SLIT2: variants seen among roughly 807,000 people sequenced by gnomAD.
SLIT2 encodes slit guidance ligand 2, also known as slit homolog 2 protein.
In SLIT2, 41 loss-of-function variants were observed where a neutral mutation model predicts 185.7. The ratio of observed to expected loss-of-function variants is 0.22; its 90% CI spans 0.17 to 0.29. SLIT2 has a LOEUF of 0.29. Among genes scored for constraint, SLIT2 ranks in the 10% least tolerant of loss-of-function variants. The pLI is 1.00. For synonymous variants in SLIT2, 693 were observed against 680.2 expected, an observed-to-expected ratio of 1.02 and a Z score of -0.29; for missense variants, 1,571 against 1,909.0, an observed-to-expected ratio of 0.82 and a Z score of 3.30.
intron 4 of SLIT2, among the ~76,000 whole-genome samples, chr4:20,335,697 T>C (rs1222176402): frequency 6.6e-6 from 1 of 152,092 alleles, no homozygotes; most frequent in Non-Finnish European, 1.5e-5. Context: ...AGAGGGGTGA[T>C]AAAACTGCTC....
chr4:20,283,990 C>CAT (rs1383830088), intron 4 of SLIT2, among the ~76,000 whole-genome samples: 1 of 152,062 alleles, frequency 6.6e-6, no homozygotes, highest in Non-Finnish European at 1.5e-5. Context: ...CTTTCAATTC[C>CAT]AATTAATGTG....
chr4:20,619,281 T>C lies in SLIT2; in HGVS notation c.*272T>C, dbSNP rs1481310263. Reference sequence around the variant, plus strand: ...TGGGAACCATTGCAACTCGGGTCCATCTTTGTAACATGCTGAAGACAAGCA... The same window carrying C: ...TGGGAACCATTGCAACTCGGGTCCACCTTTGTAACATGCTGAAGACAAGCA... On this transcript the variant is annotated 3_prime_UTR_variant, in exon 37 of 37. Coordinates refer to ENST00000504154, the MANE Select transcript of SLIT2 (RefSeq NM_004787.4). 1 of 292,410 alleles carries C rather than the reference T, an allele frequency of 3.4e-6. No individual in the cohort carries two copies. Among genetic ancestry groups the C allele is most frequent in the African/African-American group, 2.2e-5 (1 of 45,994 alleles). 18.1% of individuals were successfully genotyped at this position (292,410 alleles called of 1,614,324 possible).
intron 4 of SLIT2, among the ~76,000 whole-genome samples, chr4:20,348,757 T>C (rs1456455092): frequency 6.6e-6 from 1 of 152,228 alleles, no homozygotes; most frequent in Non-Finnish European, 1.5e-5. Context: ...GTCTTAAATA[T>C]CCTGTGTTGG....
At chr4:20,526,633 A>G (rs367725673) in intron 15 of SLIT2, among the ~76,000 whole-genome samples, 1 of 152,170 alleles carries the variant, frequency 6.6e-6, no homozygotes, top group African/African-American at 2.4e-5. Flanking sequence ...GGTTGTTTTC[A>G]TATATTCTGA....
intron 4 of SLIT2, among the ~76,000 whole-genome samples, chr4:20,369,990 C>A (rs1043870926): frequency 6.6e-6 from 1 of 152,046 alleles, no homozygotes; most frequent in African/African-American, 2.4e-5. Context: ...GTTTTCTGTA[C>A]CAGCAATTCT....
rs1246312167 is a variant in SLIT2 at position 20,463,456 on chromosome 4, T to G, written c.396-4296T>G. On this transcript the variant is annotated intron_variant, in intron 4 of 36. Transcript: ENST00000504154. ...CATTGACCTCAAACTGTGATATATA[T>G]ATATATATATATATATATATATATA... is the stretch of plus-strand genomic sequence containing the variant. 4.2e-3 allele frequency among the ~76,000 whole-genome samples: 159 copies of G among 37,438 alleles called. 6 individuals are homozygous for G. The highest frequency in any genetic ancestry group is 8.5e-3 in the African/African-American group (93 of 10,960). 24.6% of individuals were successfully genotyped at this position (37,438 alleles called of 152,430 possible). A position where few individuals can be genotyped will look rare whatever the true frequency, so the allele number is the denominator to read the frequency against.
chr4:20,332,453 A>G (rs1434466320), intron 4 of SLIT2, among the ~76,000 whole-genome samples: 1 of 152,136 alleles, frequency 6.6e-6, no homozygotes, highest in Non-Finnish European at 1.5e-5. Context: ...TCACGCCTGT[A>G]ATCCTAGCAC....
At chr4:20,527,730 T>G (rs899894261) in intron 15 of SLIT2, among the ~76,000 whole-genome samples, 2 of 152,176 alleles carry the variant, frequency 1.3e-5, no homozygotes, top group African/African-American at 2.4e-5. Context: ...CATCATGCTA[T>G]TTTTTCAATA....
In SLIT2 at chr4:20,252,177, C is replaced by A. The variant is rs1003022954; in HGVS notation, c.-1639C>A. 6.6e-6 allele frequency among the ~76,000 whole-genome samples: 1 copy of A among 151,686 alleles called. No homozygotes were observed. Among genetic ancestry groups the A allele is most frequent in the South Asian group, 2.1e-4 (1 of 4,802 alleles). ...CGCGGGCCGGGTTTTTGTTTGGCTA[C>A]GCTGAGCGCCAGTCAGCCCCAGCGA... On this transcript the variant is annotated 5_prime_UTR_variant, in exon 1 of 37. Coordinates refer to ENST00000504154, the MANE Select transcript of SLIT2 (RefSeq NM_004787.4).
intron 4 of SLIT2, among the ~76,000 whole-genome samples, chr4:20,283,919 ATTC>A (rs1160174841): frequency 3.2e-4 from 49 of 152,170 alleles, no homozygotes; most frequent in African/African-American, 1.1e-3. Flanking sequence ...TCCCTGATCT[ATTC>A]TTCTCCTTTG....
intron 4 of SLIT2, among the ~76,000 whole-genome samples, chr4:20,352,747 T>C (rs1721987488): frequency 6.6e-6 from 1 of 152,094 alleles, no homozygotes; most frequent in Admixed American, 6.6e-5. Flanking sequence ...ATCCCATCTC[T>C]ACTGAAAATA....
chr4:20,530,149 G>A (rs1220930999), intron 16 of SLIT2, among the ~76,000 whole-genome samples: 1 of 151,176 alleles, frequency 6.6e-6, no homozygotes, highest in Non-Finnish European at 1.5e-5. Flanking sequence ...ACAGCTCCAG[G>A]AATTTTAGAA....
chr4:20,611,830 A>G (rs1039748545), intron 34 of SLIT2, among the ~76,000 whole-genome samples: 2 of 152,194 alleles, frequency 1.3e-5, no homozygotes. Flanking sequence ...CAAGGATTTT[A>G]TATAACTTGT....
chr4:20,505,052 G>C (rs892085159), intron 9 of SLIT2, among the ~76,000 whole-genome samples: 7 of 151,878 alleles, frequency 4.6e-5, no homozygotes, highest in African/African-American at 1.7e-4. Context: ...ATATGCTGTA[G>C]ACTTTTTATT....
At chr4:20,400,784 A>T (rs149493758) in intron 4 of SLIT2, among the ~76,000 whole-genome samples, 1 of 151,858 alleles carries the variant, frequency 6.6e-6, no homozygotes, top group Admixed American at 6.6e-5. Flanking sequence ...AGAGGAATCC[A>T]TGGGAATGTG....
At chr4:20,605,138 T>C (rs1258213856) in intron 33 of SLIT2, among the ~76,000 whole-genome samples, 1 of 152,144 alleles carries the variant, frequency 6.6e-6, no homozygotes, top group Non-Finnish European at 1.5e-5. Context: ...CCAGCCCAGA[T>C]ACTTTAAAAT....
At chr4:20,480,810 C>A (rs189639452) in intron 6 of SLIT2, 23 bp downstream of exon 6, 1 of 1,569,534 alleles carries the variant, frequency 6.4e-7, no homozygotes, top group Non-Finnish European at 8.8e-7. Flanking sequence ...ATTTCTCTTG[C>A]TCTTTTAACG....
At chr4:20,597,198 T>C (rs1372150828) in intron 32 of SLIT2, among the ~76,000 whole-genome samples, 1 of 151,950 alleles carries the variant, frequency 6.6e-6, no homozygotes, top group Non-Finnish European at 1.5e-5. Flanking sequence ...CCCGAGTAGC[T>C]GGGACGACAA....
intron 21 of SLIT2, among the ~76,000 whole-genome samples, chr4:20,543,794 G>A (rs907979505): frequency 6.6e-6 from 1 of 152,156 alleles, no homozygotes; most frequent in African/African-American, 2.4e-5. Flanking sequence ...GATTTGAACT[G>A]CTGTTAAGTG....
Sources: gnomAD v4.1 joint callset for allele counts (sites outside exome capture counted in the v4.1 genomes callset) on GRCh38, gnomAD v4.1.1 for gene constraint, MANE v1.5 for transcripts, NCBI Gene and HGNC (gene_info 2026-07-23, HGNC 2026-07-21) for gene names.